The following PCDH15 variants were observed in gnomAD, a reference collection of about 807,000 sequenced individuals.
The protein encoded by PCDH15 is protocadherin-15.
A neutral mutation model predicts 178.5 loss-of-function variants in PCDH15; 129 were observed. The observed-to-expected ratio is 0.72, with a 90% confidence interval of 0.63 to 0.84. The LOEUF (loss-of-function observed/expected upper bound fraction) is 0.84. PCDH15 is among the 40% of genes least tolerant of loss of function. The pLI is 0.00. For missense variants in PCDH15, 2,230 were observed against 2,099.9 expected, an observed-to-expected ratio of 1.06 and a Z score of -1.21; for synonymous variants, 800 against 732.0, an observed-to-expected ratio of 1.09 and a Z score of -1.50.
chr10:55,114,911 A>T (rs938303695), intron 2 of PCDH15, among the ~76,000 whole-genome samples: 3 of 152,228 alleles, frequency 2.0e-5, no homozygotes, highest in Non-Finnish European at 4.4e-5. Flanking sequence ...GATCCCATAA[A>T]ATAGATGGCT....
At chr10:55,118,657 C>A (rs1187838451) in intron 2 of PCDH15, among the ~76,000 whole-genome samples, 1 of 152,144 alleles carries the variant, frequency 6.6e-6, no homozygotes, top group African/African-American at 2.4e-5. Context: ...TGCTAACTAG[C>A]CACCAAAGGG....
rs557968796 is a variant in PCDH15 at position 53,996,309 on chromosome 10, T to TTATAAA, written c.2752-545_2752-544insTTTATA. On this transcript the variant is annotated intron_variant, in intron 20 of 37. Coordinates refer to ENST00000644397, the MANE Select transcript of PCDH15 (RefSeq NM_001384140.1). ...CTGCAGCGCACTAAAATAATGACACTTAAGATTAGATATATTTATACACAG... is the reference window on the plus strand; with the variant it reads ...CTGCAGCGCACTAAAATAATGACACTTATAAATAAGATTAGATATATTTATACACAG... Among the ~76,000 whole-genome samples, 197 of 152,276 alleles carry TTATAAA rather than the reference T, an allele frequency of 1.3e-3. 2 individuals are homozygous for TTATAAA. In the Middle Eastern group the frequency reaches 0.017, roughly 13 times the overall value.
At chr10:55,328,543 A>G (rs1176336516) in intron 2 of PCDH15, among the ~76,000 whole-genome samples, 1 of 151,682 alleles carries the variant, frequency 6.6e-6, no homozygotes, top group Non-Finnish European at 1.5e-5. Context: ...CATTATATAT[A>G]CAGTCCATCA....
At chr10:55,121,115 C>T (rs1283512975) in intron 2 of PCDH15, among the ~76,000 whole-genome samples, 1 of 152,130 alleles carries the variant, frequency 6.6e-6, no homozygotes. Context: ...GCACCGAACT[C>T]ATGGGGATGC....
chr10:55,529,761 A>G (rs1841403867), intron 2 of PCDH15, among the ~76,000 whole-genome samples: 1 of 135,046 alleles, frequency 7.4e-6, no homozygotes, highest in Non-Finnish European at 1.6e-5. Flanking sequence ...ATATATATAT[A>G]TATATATATA....
intron 3 of PCDH15, among the ~76,000 whole-genome samples, chr10:54,891,984 G>A (rs1954469768): frequency 6.6e-6 from 1 of 152,090 alleles, no homozygotes; most frequent in Admixed American, 6.6e-5. Flanking sequence ...AAAGGAGGCA[G>A]AGGGCATAGT....
chr10:55,066,743 TA>T (rs1253122372), intron 2 of PCDH15, among the ~76,000 whole-genome samples: 1 of 151,080 alleles, frequency 6.6e-6, no homozygotes, highest in Non-Finnish European at 1.5e-5. Flanking sequence ...CTCTCAAAAC[TA>T]TTTTTTTAAG....
intron 3 of PCDH15, among the ~76,000 whole-genome samples, chr10:54,429,143 T>C (rs907785971): frequency 2.0e-5 from 3 of 152,126 alleles, no homozygotes; most frequent in African/African-American, 7.2e-5. Context: ...GACAGTATAA[T>C]AGGACATCAA....
chr10:54,894,757 G>C (rs1954519024), intron 3 of PCDH15, among the ~76,000 whole-genome samples: 1 of 152,084 alleles, frequency 6.6e-6, no homozygotes, highest in East Asian at 1.9e-4. Flanking sequence ...ATAGAAGAGA[G>C]AGAATTAGCC....
At chr10:54,102,869 C>T (rs1002904593) in intron 15 of PCDH15, among the ~76,000 whole-genome samples, 1 of 152,128 alleles carries the variant, frequency 6.6e-6, no homozygotes, top group African/African-American at 2.4e-5. Context: ...TCTATAAGCC[C>T]CTACTTTAAC....
intron 1 of PCDH15, among the ~76,000 whole-genome samples, chr10:55,315,223 A>G (rs1843693214): frequency 6.6e-6 from 1 of 152,234 alleles, no homozygotes; most frequent in South Asian, 2.1e-4. Context: ...ACTCAGCCAC[A>G]GTTAAGAATT....
intron 10 of PCDH15, 24 bp from the exon 11 acceptor site, chr10:54,195,913 T>C: frequency 6.3e-7 from 1 of 1,595,990 alleles, no homozygotes; most frequent in Non-Finnish European, 8.6e-7. Context: ...GAAAAGAAAA[T>C]ATTTAGAAAG....
chr10:55,579,139 A>G (rs1238541893), intron 2 of PCDH15, among the ~76,000 whole-genome samples: 1 of 152,230 alleles, frequency 6.6e-6, no homozygotes, highest in Non-Finnish European at 1.5e-5. Flanking sequence ...TATATAGCAT[A>G]TGTGAACTAT....
intron 2 of PCDH15, among the ~76,000 whole-genome samples, chr10:54,956,304 A>G (rs1838484497): frequency 6.6e-6 from 1 of 151,534 alleles, no homozygotes; most frequent in African/African-American, 2.4e-5. Context: ...ATTATATCAC[A>G]TATTTTGAGA....
intron 2 of PCDH15, among the ~76,000 whole-genome samples, chr10:54,978,855 T>A (rs145361849): frequency 6.6e-6 from 1 of 152,294 alleles, no homozygotes; most frequent in East Asian, 1.9e-4. Context: ...TTCTTCCACA[T>A]CTACATGAGG....
At position 55,308,840 on chromosome 10, in the gene PCDH15, G is replaced by C. The variant is rs370986446; in HGVS notation, c.-156+10759C>G. 3.3e-5 allele frequency among the ~76,000 whole-genome samples: 5 copies of C among 152,254 alleles called. No individual in the cohort carries two copies. The East Asian group carries it at 7.7e-4, about 24-fold the overall frequency. ...AAAGACTTTTGTGGATATTTACATA[G>C]AATTATAACACAGTTTCAAAGGTAA... On this transcript the variant is annotated intron_variant, in intron 1 of 5. Transcript: ENST00000458638.
intron 13 of PCDH15, among the ~76,000 whole-genome samples, chr10:54,156,891 C>T (rs896386795): frequency 2.0e-5 from 3 of 152,186 alleles, no homozygotes; most frequent in Non-Finnish European, 2.9e-5. Context: ...CAAGCAAGTC[C>T]GAAATCCAGT....
chr10:54,515,834 T>C (rs886583683), intron 3 of PCDH15, among the ~76,000 whole-genome samples: 1 of 152,186 alleles, frequency 6.6e-6, no homozygotes, highest in Non-Finnish European at 1.5e-5. Context: ...AAATCTGCTG[T>C]TCTACAGCCA....
intron 3 of PCDH15, among the ~76,000 whole-genome samples, chr10:54,435,064 C>T (rs114132945): frequency 0.021 from 3,140 of 152,162 alleles, 103 homozygotes; most frequent in African/African-American, 0.072. Context: ...ATCTTACTTC[C>T]TCTTTTTAAA....
Sources: allele counts gnomAD v4.1 joint callset (sites outside exome capture counted in the v4.1 genomes callset), GRCh38; gene constraint gnomAD v4.1.1; transcripts MANE v1.5; gene names NCBI Gene and HGNC (gene_info 2026-07-23, HGNC 2026-07-21).